TRPM6: variants seen among roughly 807,000 people sequenced by gnomAD.
The protein encoded by TRPM6 is channel kinase 2.
A neutral mutation model predicts 247.6 loss-of-function variants in TRPM6; 111 were observed. The observed-to-expected ratio is 0.45, with a 90% CI of 0.38 to 0.52. TRPM6 has a LOEUF of 0.52. TRPM6 is among the 20% of genes least tolerant of loss of function. TRPM6 has a pLI of 0.00. For synonymous variants in TRPM6, 892 were observed against 853.8 expected (o/e 1.04, Z -0.78); for missense variants, 2,126 against 2,421.5 (o/e 0.88, Z 2.56).
At chr9:74,785,440 A>G (rs1294220822) in intron 21 of TRPM6, among the ~76,000 whole-genome samples, 3 of 152,230 alleles carry the variant, frequency 2.0e-5, no homozygotes, top group Non-Finnish European at 2.9e-5. Context: ...TGATGTGATT[A>G]TTATGCATTG....
At chr9:74,735,668 T>C (rs539079) in intron 36 of TRPM6, among the ~76,000 whole-genome samples, 18,708 of 152,262 alleles carry the variant, frequency 0.12, 1,388 homozygotes, top group South Asian at 0.22. Context: ...CAATTGTTTT[T>C]AATTCCTGTT....
At chr9:74,748,047 G>A (rs1587464954) in intron 30 of TRPM6, 133 bp from the exon 31 acceptor site, 1 of 798,416 alleles carries the variant, frequency 1.3e-6, no homozygotes, top group Non-Finnish European at 2.1e-6. Flanking sequence ...TACATATACA[G>A]TCATGTACTG....
chr9:74,788,378 A>T (rs566948853), intron 20 of TRPM6, among the ~76,000 whole-genome samples: 2 of 152,314 alleles, frequency 1.3e-5, no homozygotes, highest in Non-Finnish European at 2.9e-5. Context: ...CACTTCAAAG[A>T]TAACTGCTTC....
intron 38 of TRPM6, among the ~76,000 whole-genome samples, chr9:74,727,922 G>A (rs1161461863): frequency 3.3e-5 from 5 of 152,066 alleles, no homozygotes; most frequent in African/African-American, 7.2e-5. Context: ...ACCCAAATGT[G>A]GGGGGTGGGG....
intron 28 of TRPM6, among the ~76,000 whole-genome samples, chr9:74,754,568 G>A (rs1414833548): frequency 6.6e-6 from 1 of 152,180 alleles, no homozygotes; most frequent in Non-Finnish European, 1.5e-5. Context: ...CCCCTTGGTT[G>A]AGAACCATTT....
At chr9:74,828,036 A>G in intron 6 of TRPM6, 87 bp from the exon 7 acceptor site, 1 of 1,377,482 alleles carries the variant, frequency 7.3e-7, no homozygotes, top group Non-Finnish European at 1.0e-6. Context: ...TTATGTGCTA[A>G]AAGAGTTCCT....
chr9:74,878,829 A>T (rs1205080071), intron 1 of TRPM6, among the ~76,000 whole-genome samples: 3 of 152,180 alleles, frequency 2.0e-5, no homozygotes, highest in Admixed American at 6.5e-5. Context: ...ATGACATTAA[A>T]GAAGCTCAGC....
chr9:74,843,664 A>C (rs1199895580), intron 3 of TRPM6, among the ~76,000 whole-genome samples: 1 of 151,760 alleles, frequency 6.6e-6, no homozygotes, highest in Non-Finnish European at 1.5e-5. Flanking sequence ...AAAAAAAAAA[A>C]ATTAGCCGGG....
chr9:74,758,425 GACC>G (rs1826508149), intron 27 of TRPM6, among the ~76,000 whole-genome samples: 1 of 152,104 alleles, frequency 6.6e-6, no homozygotes, highest in Non-Finnish European at 1.5e-5. Context: ...AATACATCAT[GACC>G]AAGTGGGGTT....
At chr9:74,878,225 C>T (rs1397733548) in intron 1 of TRPM6, among the ~76,000 whole-genome samples, 1 of 152,160 alleles carries the variant, frequency 6.6e-6, no homozygotes, top group East Asian at 1.9e-4. Flanking sequence ...ATTCACACCA[C>T]ACCCACTGTC....
At chr9:74,855,435 C>T in intron 3 of TRPM6, 92 bp downstream of exon 3, 1 of 907,750 alleles carries the variant, frequency 1.1e-6, no homozygotes. Flanking sequence ...GCACCATTTA[C>T]TGAGTACATT....
At chr9:74,798,823 T>C (rs1173578274) in intron 17 of TRPM6, among the ~76,000 whole-genome samples, 1 of 152,230 alleles carries the variant, frequency 6.6e-6, no homozygotes, top group African/African-American at 2.4e-5. Flanking sequence ...ACTCACTCTA[T>C]CTTTTGGGGC....
chr9:74,839,628 C>G (rs939385861), intron 5 of TRPM6, among the ~76,000 whole-genome samples: 9 of 151,968 alleles, frequency 5.9e-5, no homozygotes, highest in African/African-American at 2.2e-4. Flanking sequence ...AGACTATTTT[C>G]TTTTCCAGAG....
intron 26 of TRPM6, 53 bp downstream of exon 26, chr9:74,761,946 C>G (rs774820230): frequency 4.4e-6 from 7 of 1,580,270 alleles, no homozygotes; most frequent in Admixed American, 3.4e-5. Context: ...CAAAACAAAA[C>G]CAGTAGCAAT....
intron 35 of TRPM6, 75 bp from the exon 36 acceptor site, chr9:74,738,687 G>T: frequency 7.7e-7 from 1 of 1,301,428 alleles, no homozygotes; most frequent in South Asian, 1.2e-5. Context: ...GCAGTCATCA[G>T]CAGGGAAGAT....
chr9:74,833,255 T>G (rs1429177315), intron 6 of TRPM6, among the ~76,000 whole-genome samples: 1 of 152,156 alleles, frequency 6.6e-6, no homozygotes, highest in Admixed American at 6.5e-5. Context: ...ACAGAAATAT[T>G]AACAGTAGTC....
chr9:74,796,188 A>G (rs17060494), intron 18 of TRPM6, among the ~76,000 whole-genome samples: 36,716 of 152,150 alleles, frequency 0.24, 4,937 homozygotes, highest in African/African-American at 0.36. Flanking sequence ...AAATTCAAAG[A>G]CAAAAGAAAG....
intron 14 of TRPM6, among the ~76,000 whole-genome samples, chr9:74,805,642 T>C (rs542739789): frequency 4.9e-4 from 75 of 152,198 alleles, no homozygotes; most frequent in Non-Finnish European, 8.1e-4. Context: ...TTTAAGATCA[T>C]TGGTGTCCTT....
At chr9:74,793,335 T>A (rs1827973102) in intron 18 of TRPM6, among the ~76,000 whole-genome samples, 1 of 152,134 alleles carries the variant, frequency 6.6e-6, no homozygotes, top group Non-Finnish European at 1.5e-5. Context: ...GATTTAAAAA[T>A]TGGTCCCTGT....
Sources: gnomAD v4.1 joint callset for allele counts (sites outside exome capture counted in the v4.1 genomes callset) on GRCh38, gnomAD v4.1.1 for gene constraint, MANE v1.5 for transcripts, NCBI Gene and HGNC (gene_info 2026-07-23, HGNC 2026-07-21) for gene names.